The following EPHX2 variants were observed in gnomAD, a reference collection of about 807,000 sequenced individuals.
EPHX2 encodes epoxide hydrolase 2, also known as bifunctional epoxide hydrolase 2.
A neutral mutation model predicts 78.7 loss-of-function variants in EPHX2; 74 were observed. The observed-to-expected ratio is 0.94, with a 90% CI of 0.78 to 1.14. The LOEUF is 1.14. EPHX2 is among the 50% of genes most tolerant of loss of function. The pLI, the probability that EPHX2 is intolerant of heterozygous loss-of-function variation, is 0.00. For missense variants in EPHX2, 715 were observed against 702.5 expected (o/e 1.02, Z -0.20); for synonymous variants, 251 against 255.2 (o/e 0.98, Z 0.16).
chr8:27,543,662 A>T (rs1214390450), intron 16 of EPHX2, 87 bp from the exon 17 acceptor site: 2 of 1,334,540 alleles, frequency 1.5e-6, no homozygotes, highest in African/African-American at 2.9e-5. Flanking sequence ...GGACCACAGC[A>T]GGGTGGCGAG....
intron 10 of EPHX2, among the ~76,000 whole-genome samples, chr8:27,521,995 C>G (rs1173024233): frequency 6.6e-6 from 1 of 152,096 alleles, no homozygotes; most frequent in African/African-American, 2.4e-5. Context: ...ATTAAAGATG[C>G]TTTGGGACTT....
chr8:27,512,117 A>C, intron 6 of EPHX2: 3 of 524,754 alleles, frequency 5.7e-6, no homozygotes, highest in Non-Finnish European at 3.4e-6. Flanking sequence ...AAAAAAAAAA[A>C]AGGACCAGCA....
intron 2 of EPHX2, 65 bp downstream of exon 2, chr8:27,501,075 C>T (rs1022274678): frequency 4.8e-5 from 68 of 1,431,530 alleles, no homozygotes; most frequent in East Asian, 6.9e-5. Flanking sequence ...CCCATCTCCC[C>T]GAACTTGGGG....
intron 1 of EPHX2, among the ~76,000 whole-genome samples, chr8:27,493,377 C>T (rs916827273): frequency 1.3e-5 from 2 of 152,224 alleles, no homozygotes; most frequent in African/African-American, 4.8e-5. Context: ...CCTTTCTCAG[C>T]AGTGAGGAGG....
Position 27,540,232 on chromosome 8 carries a change from G to A in EPHX2, c.1277-322G>A, listed in dbSNP as rs1815351839. ...TTTAGACGAGGGGAGAGCAGGAGCT[G>A]GGGGCTGGCAGGGTCTGGGATATAG... is the stretch of plus-strand genomic sequence containing the variant. On this transcript the variant is annotated intron_variant, in intron 14 of 18. Coordinates refer to ENST00000521400, the MANE Select transcript of EPHX2 (RefSeq NM_001979.6). Among the ~76,000 whole-genome samples, 4 of 152,198 alleles carry A rather than the reference G, an allele frequency of 2.6e-5. No individual in the cohort carries two copies. In the South Asian group the frequency reaches 8.3e-4, roughly 32 times the overall value.
At position 27,544,818 on chromosome 8, in the gene EPHX2, C is replaced by T. The variant is rs747967822; in HGVS notation, c.*296C>T. On this transcript the variant is annotated 3_prime_UTR_variant, in exon 19 of 19. Transcript: ENST00000521400. ...GAATGGGGTGGCCAGGTGGTGATTT[C>T]TCTTTGACCAATGCATAGTTTGGCA... 2 of 397,584 alleles carry T rather than the reference C, an allele frequency of 5.0e-6. No homozygotes were observed. Among genetic ancestry groups the T allele is most frequent in the Non-Finnish European group, 9.0e-6 (2 of 221,542 alleles). 24.6% of individuals were successfully genotyped at this position (397,584 alleles called of 1,614,324 possible). A position where few individuals can be genotyped will look rare whatever the true frequency, so the allele number is the denominator to read the frequency against.
intron 9 of EPHX2, among the ~76,000 whole-genome samples, chr8:27,519,096 G>T (rs1055665209): frequency 6.6e-6 from 1 of 152,186 alleles, no homozygotes; most frequent in Non-Finnish European, 1.5e-5. Flanking sequence ...GAAAAATCAT[G>T]AGTACATCCA....
chr8:27,540,351 G>T (rs1193867008), intron 14 of EPHX2, among the ~76,000 whole-genome samples: 1 of 152,170 alleles, frequency 6.6e-6, no homozygotes, highest in Non-Finnish European at 1.5e-5. Flanking sequence ...GGAACATCAG[G>T]CTCCAGTGTG....
intron 1 of EPHX2, chr8:27,492,880 C>T (rs1005926379): frequency 1.3e-5 from 2 of 153,314 alleles, no homozygotes; most frequent in African/African-American, 4.8e-5. Context: ...ACCTCTCAAT[C>T]CTCCCTCATA....
intron 12 of EPHX2, among the ~76,000 whole-genome samples, chr8:27,528,736 T>C (rs562106850): frequency 2.6e-5 from 4 of 152,160 alleles, no homozygotes; most frequent in African/African-American, 7.2e-5. Context: ...TCCAGACCCA[T>C]GCAGCCTAAG....
intron 18 of EPHX2, 79 bp downstream of exon 18, chr8:27,544,323 T>C: frequency 1.9e-6 from 3 of 1,601,066 alleles, no homozygotes; most frequent in Non-Finnish European, 2.6e-6. Context: ...CCTGGTTTCA[T>C]TGTGCTGGCT....
At chr8:27,534,610 C>T (rs1230855610) in intron 12 of EPHX2, among the ~76,000 whole-genome samples, 2 of 152,128 alleles carry the variant, frequency 1.3e-5, no homozygotes, top group African/African-American at 4.8e-5. Context: ...CGCTACTGCA[C>T]ACCAGCCTGG....
Position 27,506,909 on chromosome 8 carries a change from C to A in EPHX2, c.575C>A (p.Pro192Gln), listed in dbSNP as rs888861894. 2.5e-6 allele frequency: 4 copies of A among 1,614,124 alleles called. No homozygotes were observed. The highest frequency in any genetic ancestry group is 2.5e-6 in the Non-Finnish European group (3 of 1,180,018). ...GATGACATCGGGGCTAATCTGAAGCCAGCCCGTGACTTGGGAATGGTCACC... is the reference window on the plus strand; with the variant it reads ...GATGACATCGGGGCTAATCTGAAGCAAGCCCGTGACTTGGGAATGGTCACC... ...FLDDIGANLK[P>Q]ARDLGMVTIL... Residue 192 changes from proline (P) to glutamine (Q), a missense_variant, in exon 5 of 19, where the codon CCA (proline) becomes CAA (glutamine). Transcript: ENST00000521400.
At chr8:27,521,148 C>T (rs1362310902) in intron 10 of EPHX2, among the ~76,000 whole-genome samples, 2 of 152,150 alleles carry the variant, frequency 1.3e-5, no homozygotes, top group African/African-American at 4.8e-5. Flanking sequence ...AGGCAGGTTC[C>T]AGGGAATGGG....
At position 27,544,824 on chromosome 8, in the gene EPHX2, G is replaced by A; in HGVS notation, c.*302G>A. The A allele has an allele frequency of 2.6e-6, 1 of 385,520 alleles. No homozygotes were observed. Among genetic ancestry groups the A allele is most frequent in the Non-Finnish European group, 4.7e-6 (1 of 214,032 alleles). The allele number at this position is 385,520 out of a possible 1,614,324, so 23.9% of individuals were successfully genotyped here. A position where few individuals can be genotyped will look rare whatever the true frequency, so the allele number is the denominator to read the frequency against. Reference sequence around the variant, plus strand: ...GGTGGCCAGGTGGTGATTTCTCTTTGACCAATGCATAGTTTGGCAGAAAAA... The same window carrying A: ...GGTGGCCAGGTGGTGATTTCTCTTTAACCAATGCATAGTTTGGCAGAAAAA... On this transcript the variant is annotated 3_prime_UTR_variant, in exon 19 of 19. Coordinates refer to ENST00000521400, the MANE Select transcript of EPHX2 (RefSeq NM_001979.6).
intron 6 of EPHX2, among the ~76,000 whole-genome samples, chr8:27,513,618 G>C (rs1814335808): frequency 6.6e-6 from 1 of 152,092 alleles, no homozygotes. Context: ...CCTAAACTGG[G>C]TTGATAATAG....
chr8:27,506,636 G>A (rs936975456), intron 4 of EPHX2, among the ~76,000 whole-genome samples: 9 of 152,204 alleles, frequency 5.9e-5, no homozygotes, highest in Non-Finnish European at 1.0e-4. Context: ...ACCTTGATAA[G>A]TGTGTATCCT....
chr8:27,496,533 G>A (rs904666551), intron 1 of EPHX2, among the ~76,000 whole-genome samples: 2 of 152,180 alleles, frequency 1.3e-5, no homozygotes, highest in Admixed American at 1.3e-4. Context: ...GAGAGAGCAG[G>A]GTATAGGGGT....
chr8:27,504,843 A>T, intron 3 of EPHX2, 113 bp from the exon 4 acceptor site: 1 of 1,094,076 alleles, frequency 9.1e-7, no homozygotes, highest in Non-Finnish European at 1.3e-6. Context: ...ATAAGAGATT[A>T]ATAAAAGTGA....
Sources: allele counts gnomAD v4.1 joint callset (sites outside exome capture counted in the v4.1 genomes callset), GRCh38; gene constraint gnomAD v4.1.1; transcripts MANE v1.5; gene names NCBI Gene and HGNC (gene_info 2026-07-23, HGNC 2026-07-21).